The following CMYA5 variants were observed in gnomAD, a reference collection of about 807,000 sequenced individuals.
CMYA5 encodes cardiomyopathy associated 5.
Under a neutral mutation model 318.9 loss-of-function variants are expected in CMYA5, and 246 were observed. The observed-to-expected ratio is 0.77, with a 90% confidence interval of 0.70 to 0.86. The LOEUF is 0.86. Among genes scored for constraint, CMYA5 ranks in the 40% least tolerant of loss-of-function variants. CMYA5 has a pLI of 0.00. For missense variants in CMYA5, 4,589 were observed against 4,678.2 expected, an observed-to-expected ratio of 0.98 and a Z score of 0.56; for synonymous variants, 1,641 against 1,729.5, an observed-to-expected ratio of 0.95 and a Z score of 1.27.
Position 79,745,309 on chromosome 5 carries a change from C to A in CMYA5, c.10822C>A (p.Gln3608Lys), listed in dbSNP as rs776883872. The change falls in exon 4 of 13, where the codon CAG becomes AAG. Residue 3608 changes from glutamine (Q) to lysine (K), a missense_variant. Transcript: ENST00000446378. Reference protein sequence around the residue: ...KVLAQYDEKAQSFEEVKKKKM... With the variant: ...KVLAQYDEKAKSFEEVKKKKM... ...TTTAGCACAGTATGATGAGAAAGCCCAGAGCTTTGAGGAAGTGAAGAAGAA... is the reference window on the plus strand; with the variant it reads ...TTTAGCACAGTATGATGAGAAAGCCAAGAGCTTTGAGGAAGTGAAGAAGAA... The A allele has an allele frequency of 1.9e-6, 3 of 1,613,558 alleles. No homozygotes were observed. The East Asian group carries it at 6.7e-5, about 36-fold the overall frequency.
chr5:79,696,967 A>G (rs573963576), intron 1 of CMYA5, among the ~76,000 whole-genome samples: 1 of 152,104 alleles, frequency 6.6e-6, no homozygotes, highest in South Asian at 2.1e-4. Context: ...AGACCATGCC[A>G]TTGCACTCCA....
intron 9 of CMYA5, among the ~76,000 whole-genome samples, chr5:79,785,874 A>G (rs1164575387): frequency 6.6e-6 from 1 of 152,164 alleles, no homozygotes; most frequent in African/African-American, 2.4e-5. Flanking sequence ...TTCTGACCCC[A>G]TTGTGCACCT....
At chr5:79,746,956 G>T in intron 4 of CMYA5, 135 bp from the exon 5 acceptor site, 1 of 620,332 alleles carries the variant, frequency 1.6e-6, no homozygotes, top group South Asian at 2.0e-5. Context: ...GAAGCTGAGG[G>T]GTTATGATTT....
rs1274781809 is a variant in CMYA5 at position 79,735,985 on chromosome 5, CAG to C, written c.7223_7224del (p.Glu2408ValfsTer15). On this transcript the variant is annotated frameshift_variant, in exon 2 of 13. Transcript: ENST00000446378. LOFTEE classifies it high-confidence loss of function. ...AATATCACAAAGGAATCAGAGAAAC[CAG>C]AGTCAATTATTTTGCCAGTAGAAGA... The C allele has an allele frequency of 3.7e-6, 6 of 1,613,186 alleles. No homozygotes were observed. Among genetic ancestry groups the C allele is most frequent in the Admixed American group, 1.7e-5 (1 of 59,878 alleles).
intron 1 of CMYA5, among the ~76,000 whole-genome samples, chr5:79,722,391 T>C (rs1466324555): frequency 6.6e-6 from 1 of 152,116 alleles, no homozygotes; most frequent in African/African-American, 2.4e-5. Context: ...TAAGAATCTA[T>C]CTTGGCTATG....
intron 1 of CMYA5, among the ~76,000 whole-genome samples, chr5:79,712,702 T>C (rs1827420744): frequency 6.6e-6 from 1 of 152,220 alleles, no homozygotes; most frequent in South Asian, 2.1e-4. Flanking sequence ...TACAAAAAAT[T>C]GCTGGAAGGC....
rs755494226 is a variant in CMYA5, at chr5:79,799,629, A to C, written c.*13A>C. The C allele has an allele frequency of 6.3e-7, 1 of 1,597,718 alleles. No individual in the cohort carries two copies. Among genetic ancestry groups the C allele is most frequent in the Non-Finnish European group, 8.6e-7 (1 of 1,168,758 alleles). On this transcript the variant is annotated 3_prime_UTR_variant, in exon 13 of 13. Transcript: ENST00000446378. ...AAGGCACAAGTGATCCTTGGCTTTCAGAATTTGCAAGAACAGCGATTTGAA... is the reference window on the plus strand; with the variant it reads ...AAGGCACAAGTGATCCTTGGCTTTCCGAATTTGCAAGAACAGCGATTTGAA...
chr5:79,719,271 G>A (rs1001616120), intron 1 of CMYA5, among the ~76,000 whole-genome samples: 3 of 152,040 alleles, frequency 2.0e-5, no homozygotes, highest in African/African-American at 7.2e-5. Flanking sequence ...CTTATAAAAT[G>A]AGAAATATTA....
At chr5:79,796,180 T>A (rs1007816992) in intron 12 of CMYA5, among the ~76,000 whole-genome samples, 1 of 152,064 alleles carries the variant, frequency 6.6e-6, no homozygotes, top group Non-Finnish European at 1.5e-5. Flanking sequence ...AATGACACAT[T>A]TAGGCATTCA....
chr5:79,741,115 C>A (rs1828199822), intron 2 of CMYA5, among the ~76,000 whole-genome samples: 1 of 152,154 alleles, frequency 6.6e-6, no homozygotes, highest in African/African-American at 2.4e-5. Flanking sequence ...TGGGCTCAAG[C>A]CATCCTCCCT....
At chr5:79,740,197 T>G (rs1050980915) in intron 2 of CMYA5, among the ~76,000 whole-genome samples, 16 of 152,294 alleles carry the variant, frequency 1.1e-4, no homozygotes, top group African/African-American at 3.6e-4. Flanking sequence ...CATATTTTGG[T>G]ATCTGCTGAC....
At chr5:79,793,415 C>A (rs1829212243) in intron 11 of CMYA5, 22 bp from the exon 12 acceptor site, 1 of 1,603,354 alleles carries the variant, frequency 6.2e-7, no homozygotes, top group Non-Finnish European at 8.5e-7. Context: ...ACTGAGCATA[C>A]TCTGATTGAC....
In CMYA5 at chr5:79,799,845, T is replaced by G; in HGVS notation, c.*229T>G. The stretch of plus-strand genomic sequence containing the variant: ...ACAACAACCTCCACTCTTTAGTTTA[T>G]ATAAGTTTGAGTTCTTTCCTAAATT... On this transcript the variant is annotated 3_prime_UTR_variant, in exon 13 of 13. Coordinates refer to ENST00000446378, the MANE Select transcript of CMYA5 (RefSeq NM_153610.5). The G allele has an allele frequency of 2.9e-6, 1 of 349,474 alleles. No homozygotes were observed. The highest frequency in any genetic ancestry group is 5.2e-6 in the Non-Finnish European group (1 of 193,336). The allele number at this position is 349,474 out of a possible 1,614,324, so 21.6% of individuals were successfully genotyped here.
At chr5:79,745,483 C>A (rs773223001) in intron 4 of CMYA5, 28 bp downstream of exon 4, 1 of 1,441,100 alleles carries the variant, frequency 6.9e-7, no homozygotes, top group Non-Finnish European at 9.8e-7. Flanking sequence ...TGGGCTCAAA[C>A]ACCTTGCGCC....
chr5:79,730,492 C>T lies in CMYA5; in HGVS notation c.1727C>T (p.Ala576Val). Residue 576 changes from alanine (A) to valine (V), a missense_variant, in exon 2 of 13, where the codon GCT becomes GTT. By Grantham distance (64) the Ala-to-Val change is moderately conservative. This residue lies in a region of CMYA5 where 2,132 missense variants were observed against 2,131.3 expected (regional missense o/e 1.00). Transcript: ENST00000446378. The stretch of plus-strand genomic sequence containing the variant: ...GCAGCATCATCTCCTGAACATGTTG[C>T]TTTGTCTGAGGAAGAAAGAGAGGAA... Reference protein sequence around the residue: ...LLAASSPEHVALSEEEREEIA... With the variant: ...LLAASSPEHVVLSEEEREEIA... 6.2e-7 allele frequency: 1 copy of T among 1,613,888 alleles called. No individual in the cohort carries two copies. Among genetic ancestry groups the T allele is most frequent in the Non-Finnish European group, 8.5e-7 (1 of 1,179,868 alleles).
chr5:79,731,544 G>T lies in CMYA5; in HGVS notation c.2779G>T (p.Gly927Cys). 6.2e-7 allele frequency: 1 copy of T among 1,606,288 alleles called. No individual in the cohort carries two copies. Among genetic ancestry groups the T allele is most frequent in the Non-Finnish European group, 8.5e-7 (1 of 1,176,426 alleles). ...EIVHRSLNLK[G>C]ASSPMNLSEE... is the part of the protein sequence containing the mutation. ...TGTCCATAGATCTCTAAATCTAAAAGGTGCATCCTCACCCATGAATTTATC... is the reference window on the plus strand; with the variant it reads ...TGTCCATAGATCTCTAAATCTAAAATGTGCATCCTCACCCATGAATTTATC... The change falls in exon 2 of 13, where the codon GGT (glycine) becomes TGT (cysteine). Residue 927 changes from glycine (G) to cysteine (C), a missense_variant. This residue lies in a region of CMYA5 where 2,132 missense variants were observed against 2,131.3 expected (regional missense o/e 1.00). Transcript: ENST00000446378.
At chr5:79,719,100 G>A (rs966175412) in intron 1 of CMYA5, among the ~76,000 whole-genome samples, 5 of 152,064 alleles carry the variant, frequency 3.3e-5, no homozygotes, top group Non-Finnish European at 7.4e-5. Flanking sequence ...AGAAGTGTAG[G>A]GGTTTTTTTA....
Position 79,739,355 on chromosome 5 carries a change from C to G in CMYA5, c.10590C>G (p.His3530Gln). The stretch of plus-strand genomic sequence containing the variant: ...CCACTGACAAGGTGTTTGGCACCCA[C>G]AAAGACCATGAAGTTTCAACGCTTG... ...ISATDKVFGT[H>Q]KDHEVSTLDT... The change falls in exon 2 of 13, where the codon CAC (histidine) becomes CAG (glutamine). Residue 3530 changes from histidine to glutamine, a missense_variant. This residue lies in a region of CMYA5 where 2,431 missense variants were observed against 2,495.1 expected (regional missense o/e 0.97). Transcript: ENST00000446378. The G allele has an allele frequency of 6.4e-7, 1 of 1,564,224 alleles. No individual in the cohort carries two copies. The highest frequency in any genetic ancestry group is 8.7e-7 in the Non-Finnish European group (1 of 1,154,886).
In CMYA5 at chr5:79,795,848, G is replaced by A. The variant is rs189521663; in HGVS notation, c.11963+2238G>A. Among the ~76,000 whole-genome samples, 579 of 152,310 alleles carry A rather than the reference G, an allele frequency of 3.8e-3. 2 individuals are homozygous for A. Among genetic ancestry groups the A allele is most frequent in the Non-Finnish European group, 6.2e-3 (423 of 68,020 alleles). The stretch of plus-strand genomic sequence containing the variant: ...GAGGAGGGGAGGCAGTTCCAAGATC[G>A]TGCAAGTGTTTAGAGCCAGGCTTCT... On this transcript the variant is annotated intron_variant, in intron 12 of 12. Coordinates refer to ENST00000446378, the MANE Select transcript of CMYA5 (RefSeq NM_153610.5).
Sources: gnomAD v4.1 joint callset for allele counts (sites outside exome capture counted in the v4.1 genomes callset) on GRCh38, gnomAD v4.1.1 for gene constraint, gnomAD v4.1.1 regional missense constraint, MANE v1.5 for transcripts, NCBI Gene and HGNC (gene_info 2026-07-23, HGNC 2026-07-21) for gene names.